The following KIRREL3 variants were observed in gnomAD, a reference collection of about 807,000 sequenced individuals.
KIRREL3 encodes kirre like nephrin family adhesion molecule 3.
Under a neutral mutation model 89.7 loss-of-function variants are expected in KIRREL3, and 36 were observed. The ratio of observed to expected loss-of-function variants is 0.40; its 90% CI spans 0.31 to 0.53. The LOEUF is 0.53. KIRREL3 is among the 20% of genes least tolerant of loss of function. KIRREL3 has a pLI of 0.49. For missense variants in KIRREL3, 864 were observed against 1,056.6 expected, an observed-to-expected ratio of 0.82 and a Z score of 2.53; for synonymous variants, 445 against 441.4, an observed-to-expected ratio of 1.01 and a Z score of -0.10.
intron 1 of KIRREL3, among the ~76,000 whole-genome samples, chr11:126,827,891 A>C (rs1463254042): frequency 6.6e-6 from 1 of 152,124 alleles, no homozygotes; most frequent in Non-Finnish European, 1.5e-5. Flanking sequence ...GCCACTGGAT[A>C]ATGTTCCGAT....
Position 126,771,494 on chromosome 11 carries a change from G to A in KIRREL3, c.56-208582C>T, listed in dbSNP as rs549995911. The stretch of plus-strand genomic sequence containing the variant: ...TCTTTGCATCTTTTTTGGCTTTGCT[G>A]TACAGATTGGTGCAAAAATAATCAC... On this transcript the variant is annotated intron_variant, in intron 1 of 16. Coordinates refer to ENST00000525144, the MANE Select transcript of KIRREL3 (RefSeq NM_032531.4). This position sits in a 1 kb window ranked among gnomAD's most constrained non-coding sequence, Gnocchi z 4.4. Among the ~76,000 whole-genome samples, 14 of 152,112 alleles carry A rather than the reference G, an allele frequency of 9.2e-5. 1 individual carries two copies. Among genetic ancestry groups the A allele is most frequent in the African/African-American group, 2.7e-4 (11 of 41,482 alleles).
chr11:126,477,121 C>T lies in KIRREL3; in HGVS notation c.434-3655G>A, dbSNP rs1347655071. Among the ~76,000 whole-genome samples the T allele has an allele frequency of 6.6e-6, 1 of 152,240 alleles. No individual in the cohort carries two copies. Among genetic ancestry groups the T allele is most frequent in the Non-Finnish European group, 1.5e-5 (1 of 68,038 alleles). ...CAGAGCTGGAAGCCAGCCTAAGAGG[C>T]CACAGCGCGGCCTTAGCCGGGGGTG... is the stretch of plus-strand genomic sequence containing the variant. On this transcript the variant is annotated intron_variant, in intron 4 of 16. Coordinates refer to ENST00000525144, the MANE Select transcript of KIRREL3 (RefSeq NM_032531.4). The surrounding 1 kb of genome is among the most constrained non-coding windows in gnomAD (Gnocchi z 4.8).
chr11:126,762,174 A>AAT (rs1434119138), intron 1 of KIRREL3, among the ~76,000 whole-genome samples: 1 of 148,722 alleles, frequency 6.7e-6, no homozygotes, highest in African/African-American at 2.6e-5. Flanking sequence ...GACTGTCATA[A>AAT]ATAAATAAAT....
At position 126,736,018 on chromosome 11, in the gene KIRREL3, G is replaced by A. The variant is rs1293643473; in HGVS notation, c.56-173106C>T. On this transcript the variant is annotated intron_variant, in intron 1 of 16. Transcript: ENST00000525144. The surrounding 1 kb of genome is among the most constrained non-coding windows in gnomAD (Gnocchi z 5.0). ...CATTTATGAATCCTCAATTAGTCCT[G>A]ACTTTGCTTGAGAGTTTTTATGAAA... 2.0e-5 allele frequency among the ~76,000 whole-genome samples: 3 copies of A among 152,170 alleles called. No individual in the cohort carries two copies. The highest frequency in any genetic ancestry group is 2.0e-4 in the Admixed American group (3 of 15,278).
rs968519130 is a variant in KIRREL3, at chr11:126,521,012, C to A, written c.433+303G>T. On this transcript the variant is annotated intron_variant, in intron 4 of 16. Coordinates refer to ENST00000525144, the MANE Select transcript of KIRREL3 (RefSeq NM_032531.4). This position sits in a 1 kb window ranked among gnomAD's most constrained non-coding sequence, Gnocchi z 4.1. ...GCCTAGATAACGTGTGCAGAGCATG[C>A]TTTCTGATGGAATAAATAAGCATGT... 6.6e-6 allele frequency among the ~76,000 whole-genome samples: 1 copy of A among 152,204 alleles called. No individual in the cohort carries two copies. The highest frequency in any genetic ancestry group is 2.4e-5 in the African/African-American group (1 of 41,470).
chr11:126,762,620 G>C (rs937720486), intron 1 of KIRREL3, among the ~76,000 whole-genome samples: 3 of 152,182 alleles, frequency 2.0e-5, no homozygotes, highest in African/African-American at 7.2e-5. Context: ...AGTGGGAGCT[G>C]GAGCAACCCT....
rs1939475597 is a variant in KIRREL3 at position 126,553,804 on chromosome 11, A to G, written c.133+9031T>C. On this transcript the variant is annotated intron_variant, in intron 2 of 16. Transcript: ENST00000525144. This position sits in a 1 kb window ranked among gnomAD's most constrained non-coding sequence, Gnocchi z 4.7. Reference sequence around the variant, plus strand: ...GGCCATTGGTCACTGCCCATGATTCAGTAAAACCTAAACACAGAGGCCTCT... The same window carrying G: ...GGCCATTGGTCACTGCCCATGATTCGGTAAAACCTAAACACAGAGGCCTCT... Among the ~76,000 whole-genome samples the G allele has an allele frequency of 6.6e-6, 1 of 152,196 alleles. No individual in the cohort carries two copies.
chr11:126,992,269 G>A (rs564267660), intron 1 of KIRREL3, among the ~76,000 whole-genome samples: 4 of 152,270 alleles, frequency 2.6e-5, no homozygotes, highest in South Asian at 2.1e-4. Flanking sequence ...GGTTTTGGAC[G>A]TCATCTAGTC....
chr11:126,585,935 T>C (rs142221031), intron 1 of KIRREL3, among the ~76,000 whole-genome samples: 6 of 152,376 alleles, frequency 3.9e-5, no homozygotes, highest in East Asian at 3.9e-4. Context: ...ATGTTTTTCT[T>C]GGCAAATAAA....
chr11:126,923,143 C>T (rs1947445234), intron 1 of KIRREL3, among the ~76,000 whole-genome samples: 1 of 16,664 alleles, frequency 6.0e-5, no homozygotes, highest in African/African-American at 3.8e-4. Context: ...TCTTCTTCTT[C>T]TTCTTCTTCT....
chr11:126,833,126 C>A (rs1684777416), intron 1 of KIRREL3, among the ~76,000 whole-genome samples: 1 of 152,210 alleles, frequency 6.6e-6, no homozygotes, highest in South Asian at 2.1e-4. Context: ...TTGTCTCCAA[C>A]TATTTCAAAC....
chr11:126,460,043 G>T (rs1246124970), intron 6 of KIRREL3, among the ~76,000 whole-genome samples: 1 of 152,012 alleles, frequency 6.6e-6, no homozygotes, highest in Non-Finnish European at 1.5e-5. Flanking sequence ...GCAGCCCATG[G>T]TGTCCTTAGT....
rs1260887432 is a variant in KIRREL3 at position 126,896,995 on chromosome 11, G to A, written c.55+103460C>T. On this transcript the variant is annotated intron_variant, in intron 1 of 16. Transcript: ENST00000525144. This position sits in a 1 kb window ranked among gnomAD's most constrained non-coding sequence, Gnocchi z 4.1. The stretch of plus-strand genomic sequence containing the variant: ...CAAAAGATTCTAAGAAGAGGCCAGG[G>A]AAAGAGCAGACCATCCAAGTACCAA... 1.3e-5 allele frequency among the ~76,000 whole-genome samples: 2 copies of A among 152,122 alleles called. No individual in the cohort carries two copies. The highest frequency in any genetic ancestry group is 2.4e-5 in the African/African-American group (1 of 41,404).
chr11:126,849,705 T>C (rs920171377), intron 1 of KIRREL3, among the ~76,000 whole-genome samples: 1 of 152,174 alleles, frequency 6.6e-6, no homozygotes, highest in Non-Finnish European at 1.5e-5. Context: ...TTGATGGTCA[T>C]GATGGGGCAC....
chr11:126,979,659 C>T (rs1405592660), intron 1 of KIRREL3, among the ~76,000 whole-genome samples: 1 of 152,214 alleles, frequency 6.6e-6, no homozygotes, highest in African/African-American at 2.4e-5. Context: ...CTTAACCTCA[C>T]TAAGACTCAG....
chr11:126,482,341 C>CTTTG (rs1957243526), intron 4 of KIRREL3, among the ~76,000 whole-genome samples: 1 of 151,818 alleles, frequency 6.6e-6, no homozygotes, highest in Non-Finnish European at 1.5e-5. Flanking sequence ...GCCGGGCCTG[C>CTTTG]CCCTTTCCTT....
chr11:126,428,242 C>G lies in KIRREL3; in HGVS notation c.1806+937G>C, dbSNP rs370519031. Among the ~76,000 whole-genome samples the G allele has an allele frequency of 5.9e-5, 9 of 152,316 alleles. No individual in the cohort carries two copies. The East Asian group carries it at 1.5e-3, about 26-fold the overall frequency. ...GAGGACATGGAGGCACCAGAAAGCC[C>G]ATCTACTATATTCCTTGCTCTGCTG... is the stretch of plus-strand genomic sequence containing the variant. On this transcript the variant is annotated intron_variant, in intron 15 of 16. Transcript: ENST00000525144. The surrounding 1 kb of genome is among the most constrained non-coding windows in gnomAD (Gnocchi z 6.4).
chr11:126,500,695 G>A (rs1448350142), intron 4 of KIRREL3, among the ~76,000 whole-genome samples: 2 of 145,916 alleles, frequency 1.4e-5, no homozygotes, highest in East Asian at 2.0e-4. Flanking sequence ...AGCTGAGATC[G>A]CACCACTGCA....
At chr11:126,930,135 A>G (rs999195147) in intron 1 of KIRREL3, among the ~76,000 whole-genome samples, 3 of 150,916 alleles carry the variant, frequency 2.0e-5, no homozygotes, top group Non-Finnish European at 4.4e-5. Context: ...TCCCCCCTGC[A>G]CACTTTTCTT....
Sources: gnomAD v4.1 joint callset for allele counts (sites outside exome capture counted in the v4.1 genomes callset) on GRCh38, gnomAD v4.1.1 for gene constraint, Gnocchi (gnomAD v3.1) non-coding constraint, MANE v1.5 for transcripts, NCBI Gene and HGNC (gene_info 2026-07-23, HGNC 2026-07-21) for gene names.